The following DPP6 variants were observed in gnomAD, a reference collection of about 807,000 sequenced individuals.
DPP6 encodes A-type potassium channel modulatory protein DPP6.
A neutral mutation model predicts 122.6 loss-of-function variants in DPP6; 69 were observed. That is an observed-to-expected ratio of 0.56 (90% CI 0.46 to 0.69). The LOEUF is 0.69. Among genes scored for constraint, DPP6 ranks in the 30% least tolerant of loss-of-function variants. The pLI is 0.00. For synonymous variants in DPP6, 418 were observed against 433.1 expected, an observed-to-expected ratio of 0.97 and a Z score of 0.43; for missense variants, 928 against 1,116.9, an observed-to-expected ratio of 0.83 and a Z score of 2.41.
At chr7:154,303,806 G>C (rs1180461965) in intron 1 of DPP6, among the ~76,000 whole-genome samples, 1 of 152,164 alleles carries the variant, frequency 6.6e-6, no homozygotes, top group East Asian at 1.9e-4. Context: ...ATTAAGTTCA[G>C]GCCATGGTAG....
Position 154,646,883 on chromosome 7 carries a change from G to A in DPP6, c.680+9010G>A, listed in dbSNP as rs143477698. On this transcript the variant is annotated intron_variant, in intron 6 of 25. Coordinates refer to ENST00000377770, the MANE Select transcript of DPP6 (RefSeq NM_130797.4). ...GGTAGTCAGTGACTGGAATGTCATCGGCCACCTGCAAAGGGAGTCATTGCA... is the reference window on the plus strand; with the variant it reads ...GGTAGTCAGTGACTGGAATGTCATCAGCCACCTGCAAAGGGAGTCATTGCA... 8.5e-5 allele frequency among the ~76,000 whole-genome samples: 13 copies of A among 152,276 alleles called. No individual in the cohort carries two copies. In the East Asian group the frequency reaches 1.7e-3, roughly 20 times the overall value.
At chr7:154,807,162 G>T (rs759243530) in intron 16 of DPP6, 50 bp downstream of exon 16, 4 of 1,596,022 alleles carry the variant, frequency 2.5e-6, no homozygotes, top group South Asian at 1.1e-5. Context: ...AGGCACATTT[G>T]CAGGGAGGGG....
chr7:154,354,749 G>GT (rs1254474260), intron 1 of DPP6, among the ~76,000 whole-genome samples: 4 of 152,218 alleles, frequency 2.6e-5, no homozygotes, highest in African/African-American at 9.7e-5. Flanking sequence ...AAAGTGTTTT[G>GT]TTTTAGGAAT....
At chr7:154,367,899 C>A (rs942831544) in intron 1 of DPP6, among the ~76,000 whole-genome samples, 1 of 152,140 alleles carries the variant, frequency 6.6e-6, no homozygotes. Context: ...CTCCGCCTCC[C>A]GGGTTCAAGC....
chr7:153,901,804 G>A (rs1221258340), intron 1 of DPP6, among the ~76,000 whole-genome samples: 1 of 151,978 alleles, frequency 6.6e-6, no homozygotes, highest in African/African-American at 2.4e-5. Flanking sequence ...TTGTTACATG[G>A]TCTTGCCACA....
intron 1 of DPP6, among the ~76,000 whole-genome samples, chr7:153,915,541 TAGAAAC>T (rs952872802): frequency 6.6e-6 from 1 of 152,204 alleles, no homozygotes; most frequent in African/African-American, 2.4e-5. Context: ...GTGAAATTGG[TAGAAAC>T]AGAGAGAATC....
the DPP6 span, among the ~76,000 whole-genome samples, chr7:153,852,809 G>T: frequency 1.1e-4 from 17 of 152,110 alleles, 1 homozygote; most frequent in Admixed American, 9.8e-4. Flanking sequence ...CTGCTCAATC[G>T]CATTGCACTT....
chr7:154,062,213 G>A (rs1802076159), intron 1 of DPP6, among the ~76,000 whole-genome samples: 1 of 100,956 alleles, frequency 9.9e-6, no homozygotes, highest in East Asian at 2.8e-4. Flanking sequence ...AGGACTGCGG[G>A]TGTTAGGTGT....
intron 1 of DPP6, among the ~76,000 whole-genome samples, chr7:154,427,672 T>A (rs1241330249): frequency 6.6e-6 from 1 of 152,220 alleles, no homozygotes; most frequent in African/African-American, 2.4e-5. Flanking sequence ...TCAGTTTGTT[T>A]TTTGTTTCTT....
chr7:154,401,993 G>A (rs55816417), intron 1 of DPP6, among the ~76,000 whole-genome samples: 13,607 of 151,958 alleles, frequency 0.09, 708 homozygotes, highest in East Asian at 0.13. Flanking sequence ...AAACACATGA[G>A]AAAATGCTCA....
Position 154,663,117 on chromosome 7 carries a change from T to G in DPP6, c.681-6243T>G, listed in dbSNP as rs1339884884. On this transcript the variant is annotated intron_variant, in intron 6 of 25. Transcript: ENST00000377770. Reference sequence around the variant, plus strand: ...TTCATATAGTCATGGTGAATCACCATGGCATATTGGCCGTAGTGTTCACGC... The same window carrying G: ...TTCATATAGTCATGGTGAATCACCAGGGCATATTGGCCGTAGTGTTCACGC... Among the ~76,000 whole-genome samples the G allele has an allele frequency of 4.3e-5, 3 of 70,440 alleles. 1 individual carries two copies. The Admixed American group carries it at 5.5e-4, about 13-fold the overall frequency. 46.2% of individuals were successfully genotyped at this position (70,440 alleles called of 152,430 possible). A position where few individuals can be genotyped will look rare whatever the true frequency, so the allele number is the denominator to read the frequency against.
At chr7:154,277,646 T>G (rs1021867712) in intron 1 of DPP6, among the ~76,000 whole-genome samples, 1 of 152,096 alleles carries the variant, frequency 6.6e-6, no homozygotes, top group African/African-American at 2.4e-5. Context: ...ATGCCTGCAA[T>G]CCCAGCTACT....
chr7:154,730,550 G>A (rs1474999411), intron 8 of DPP6, among the ~76,000 whole-genome samples: 1 of 152,094 alleles, frequency 6.6e-6, no homozygotes, highest in Non-Finnish European at 1.5e-5. Context: ...TACTATTATT[G>A]TAATTATTTG....
intron 3 of DPP6, among the ~76,000 whole-genome samples, chr7:154,516,101 T>C (rs932495899): frequency 1.3e-5 from 2 of 152,188 alleles, no homozygotes; most frequent in Non-Finnish European, 2.9e-5. Context: ...TCCAGTGAAC[T>C]TGACAGAGTC....
intron 5 of DPP6, among the ~76,000 whole-genome samples, chr7:154,611,880 G>A (rs1243054642): frequency 2.0e-5 from 3 of 150,646 alleles, no homozygotes; most frequent in Non-Finnish European, 2.9e-5. Flanking sequence ...TGTGTGTGTG[G>A]TGTATGGGTG....
At chr7:154,686,729 A>G (rs1433050105) in intron 7 of DPP6, among the ~76,000 whole-genome samples, 1 of 152,160 alleles carries the variant, frequency 6.6e-6, no homozygotes, top group Non-Finnish European at 1.5e-5. Flanking sequence ...TGAAGCTTGT[A>G]TGTCTCCTTT....
chr7:153,896,601 T>A (rs1159693604), intron 1 of DPP6, among the ~76,000 whole-genome samples: 3 of 152,174 alleles, frequency 2.0e-5, no homozygotes, highest in Non-Finnish European at 4.4e-5. Context: ...GGCCAGGAAT[T>A]TGATACCAGC....
chr7:154,323,136 A>G (rs1018950499), intron 1 of DPP6, among the ~76,000 whole-genome samples: 13 of 152,218 alleles, frequency 8.5e-5, no homozygotes, highest in Admixed American at 3.3e-4. Context: ...CACATCTTGG[A>G]AAAGTTTATA....
intron 5 of DPP6, among the ~76,000 whole-genome samples, chr7:154,629,003 G>A (rs1358300463): frequency 1.3e-5 from 2 of 152,050 alleles, no homozygotes; most frequent in Non-Finnish European, 2.9e-5. Flanking sequence ...TGATCTTCTC[G>A]GACTCCTCAA....
Sources: allele counts gnomAD v4.1 joint callset (sites outside exome capture counted in the v4.1 genomes callset), GRCh38; gene constraint gnomAD v4.1.1; transcripts MANE v1.5; gene names NCBI Gene and HGNC (gene_info 2026-07-23, HGNC 2026-07-21).